Variants in FILIP1L observed in about 807,000 individuals in gnomAD.
FILIP1L encodes filamin A-interacting protein 1-like.
Under a neutral mutation model 96.6 loss-of-function variants are expected in FILIP1L, and 55 were observed. That is an observed-to-expected ratio of 0.57 (90% confidence interval 0.46 to 0.71). The LOEUF (loss-of-function observed/expected upper bound fraction) is 0.71, where lower values mean the gene tolerates loss of function less well. Among genes scored for constraint, FILIP1L ranks in the 30% least tolerant of loss-of-function variants. The probability of loss-of-function intolerance (pLI) is 0.00; values close to 1 mark genes in which losing one functional copy is unlikely to be tolerated. For synonymous variants in FILIP1L, 467 were observed against 473.9 expected (o/e 0.99, Z 0.19); for missense variants, 1,304 against 1,321.2 (o/e 0.99, Z 0.20).
intron 1 of FILIP1L, among the ~76,000 whole-genome samples, chr3:99,968,429 G>A (rs4361315): frequency 0.79 from 116,714 of 148,512 alleles, 45,459 homozygotes; most frequent in African/African-American, 0.84. Context: ...GTTTTTGGGG[G>A]AAAAAAAAAA....
chr3:99,843,815 G>A (rs1359561634), intron 5 of FILIP1L, among the ~76,000 whole-genome samples: 2 of 152,242 alleles, frequency 1.3e-5, no homozygotes, highest in African/African-American at 4.8e-5. Flanking sequence ...GCAGGCAAGC[G>A]AGCATTACTG....
intron 1 of FILIP1L, among the ~76,000 whole-genome samples, chr3:99,971,698 G>T (rs1031275088): frequency 4.6e-5 from 7 of 152,162 alleles, no homozygotes; most frequent in Non-Finnish European, 1.0e-4. Context: ...TCACACTGTG[G>T]ACTCACAGGA....
At position 99,848,448 on chromosome 3, in the gene FILIP1L, G is replaced by A. The variant is rs1355554752; in HGVS notation, c.3228C>T (p.Ser1076=). The A allele has an allele frequency of 2.5e-6, 4 of 1,614,158 alleles. No individual in the cohort carries two copies. The highest frequency in any genetic ancestry group is 1.7e-5 in the Admixed American group (1 of 60,012). The change falls in exon 5 of 6, where the codon AGC becomes AGT. Residue 1076 remains serine, a synonymous_variant. Transcript: ENST00000477258. ...CTGAAGGGCTGGCAGGTCTCACAGG[G>A]CTGGCTACAGCTTGCATGTAAGGAC... ...LGSPYMQAVA[S]PVRPASPSAP...
At chr3:99,901,892 T>TAG (rs951680743) in intron 4 of FILIP1L, among the ~76,000 whole-genome samples, 43 of 152,262 alleles carry the variant, frequency 2.8e-4, no homozygotes, top group African/African-American at 1.0e-3. Context: ...GCCTTGTCCC[T>TAG]AGTAGAGCTC....
chr3:99,905,808 C>G (rs1205522049), intron 4 of FILIP1L, among the ~76,000 whole-genome samples: 1 of 152,198 alleles, frequency 6.6e-6, no homozygotes. Flanking sequence ...AATGGAAATG[C>G]AACTTCATAT....
At chr3:100,041,587 C>CA (rs917069952) in intron 1 of FILIP1L, among the ~76,000 whole-genome samples, 23 of 151,102 alleles carry the variant, frequency 1.5e-4, no homozygotes, top group Non-Finnish European at 1.5e-4. Context: ...ACTAAGGCTA[C>CA]AAAAAAAATA....
At chr3:99,959,851 T>C (rs1203500202) in intron 1 of FILIP1L, among the ~76,000 whole-genome samples, 1 of 152,170 alleles carries the variant, frequency 6.6e-6, no homozygotes, top group Admixed American at 6.5e-5. Context: ...ATGAGCATGG[T>C]TCTTGACTGA....
intron 1 of FILIP1L, among the ~76,000 whole-genome samples, chr3:100,097,165 G>A (rs918421896): frequency 6.6e-6 from 1 of 152,172 alleles, no homozygotes; most frequent in African/African-American, 2.4e-5. Context: ...ACATGCGAGA[G>A]ATCTAGGTTA....
chr3:99,887,321 T>C (rs1705934096), intron 4 of FILIP1L, among the ~76,000 whole-genome samples: 1 of 151,202 alleles, frequency 6.6e-6, no homozygotes, highest in African/African-American at 2.4e-5. Flanking sequence ...TCATCAGAAG[T>C]TAAAGTTCAT....
At chr3:100,083,619 A>G (rs2065963940) in intron 1 of FILIP1L, among the ~76,000 whole-genome samples, 1 of 152,196 alleles carries the variant, frequency 6.6e-6, no homozygotes, top group Non-Finnish European at 1.5e-5. Flanking sequence ...ATGCTTCTTT[A>G]TCTTGTTTGA....
chr3:99,874,390 C>T (rs778005168), intron 4 of FILIP1L: 5 of 152,088 alleles, frequency 3.3e-5, no homozygotes, highest in Non-Finnish European at 7.4e-5. Flanking sequence ...TTCCAATTAC[C>T]GCTTATATCA....
rs756920401 is a variant in FILIP1L at position 100,040,419 on chromosome 3, T to C, written c.-11+73634A>G. 4.6e-5 allele frequency: 7 copies of C among 152,342 alleles called. No individual in the cohort carries two copies. The South Asian group carries it at 6.2e-4, about 14-fold the overall frequency. 9.4% of individuals were successfully genotyped at this position (152,342 alleles called of 1,614,324 possible). The stretch of plus-strand genomic sequence containing the variant: ...CAGATAATAGCATTCCATTTTAATA[T>C]AGATGAGTACACAGATGTGACCGTG... On this transcript the variant is annotated intron_variant, in intron 1 of 5. Coordinates refer to ENST00000477258, the MANE Select transcript of FILIP1L (RefSeq NM_001387850.1).
intron 1 of FILIP1L, among the ~76,000 whole-genome samples, chr3:99,946,185 A>T (rs1708002228): frequency 1.3e-5 from 2 of 152,240 alleles, no homozygotes; most frequent in Admixed American, 1.3e-4. Flanking sequence ...AAAGCATTTT[A>T]AAAAATTGGG....
At chr3:99,963,126 G>A (rs1708542893) in intron 1 of FILIP1L, among the ~76,000 whole-genome samples, 1 of 152,120 alleles carries the variant, frequency 6.6e-6, no homozygotes, top group African/African-American at 2.4e-5. Flanking sequence ...AAAATAATTA[G>A]GATAACAGTG....
intron 1 of FILIP1L, chr3:100,075,574 T>A (rs1044571177): frequency 3.3e-5 from 5 of 151,936 alleles, no homozygotes; most frequent in Non-Finnish European, 5.9e-5. Context: ...TCTTTTTTTT[T>A]TTTTAACTGT....
chr3:99,876,230 A>T (rs963497342), intron 4 of FILIP1L: 32 of 985,116 alleles, frequency 3.2e-5, no homozygotes, highest in Non-Finnish European at 3.6e-5. Flanking sequence ...TCTGCCTTAT[A>T]AGGCGCTCCG....
chr3:100,102,133 C>T lies in FILIP1L; in HGVS notation c.-11+11920G>A, dbSNP rs186008345. On this transcript the variant is annotated intron_variant, in intron 1 of 5. Transcript: ENST00000477258. ...AGATTTATAATCCTTTGGGTATATACCCAGTAATGGGATTGCTGGGTCAAA... is the reference window on the plus strand; with the variant it reads ...AGATTTATAATCCTTTGGGTATATATCCAGTAATGGGATTGCTGGGTCAAA... 6.1e-3 allele frequency among the ~76,000 whole-genome samples: 924 copies of T among 152,256 alleles called. 12 individuals carry two copies. Among genetic ancestry groups the T allele is most frequent in the African/African-American group, 0.021 (872 of 41,528 alleles).
chr3:99,956,218 T>G (rs1208644662), intron 1 of FILIP1L, among the ~76,000 whole-genome samples: 1 of 152,134 alleles, frequency 6.6e-6, no homozygotes, highest in Non-Finnish European at 1.5e-5. Flanking sequence ...CACAAACACC[T>G]TCACCTTCCT....
At chr3:100,044,896 G>A (rs2065255700) in intron 1 of FILIP1L, among the ~76,000 whole-genome samples, 1 of 152,140 alleles carries the variant, frequency 6.6e-6, no homozygotes, top group Non-Finnish European at 1.5e-5. Context: ...CTCTGCTTTG[G>A]TGACATTGCA....
Sources: allele counts gnomAD v4.1 joint callset (sites outside exome capture counted in the v4.1 genomes callset), GRCh38; gene constraint gnomAD v4.1.1; transcripts MANE v1.5; gene names NCBI Gene and HGNC (gene_info 2026-07-23, HGNC 2026-07-21).